The following CCSER1 variants were observed in gnomAD, a reference collection of about 807,000 sequenced individuals.
CCSER1 encodes coiled-coil serine rich protein 1, also known as serine-rich coiled-coil domain-containing protein 1.
CCSER1 carries 41 observed loss-of-function variants against 82.0 expected under a neutral mutation model. That is an observed-to-expected ratio of 0.50 (90% confidence interval 0.39 to 0.65). The LOEUF (loss-of-function observed/expected upper bound fraction) is 0.65. Ranked by LOEUF, CCSER1 falls within the 30% of genes least tolerant of loss-of-function variation. CCSER1 has a pLI of 0.00. For missense variants in CCSER1, 1,119 were observed against 1,064.2 expected (o/e 1.05, Z -0.72); for synonymous variants, 414 against 383.9 (o/e 1.08, Z -0.92).
intron 1 of CCSER1, among the ~76,000 whole-genome samples, chr4:90,253,111 C>CT (rs1722686054): frequency 6.6e-6 from 1 of 152,080 alleles, no homozygotes; most frequent in African/African-American, 2.4e-5. Flanking sequence ...TCCACTACAG[C>CT]TTTTTTCCCA....
rs149273162 is a variant in CCSER1, at chr4:90,938,191, A to G, written c.2172+14744A>G. Among the ~76,000 whole-genome samples the G allele has an allele frequency of 3.9e-5, 6 of 152,208 alleles. No individual in the cohort carries two copies. In the East Asian group the frequency reaches 1.2e-3, roughly 29 times the overall value. ...ACTAAAATATAATAATAAGATAATAATTGTTGCAGATTAGCAAAATTCTGT... is the reference window on the plus strand; with the variant it reads ...ACTAAAATATAATAATAAGATAATAGTTGTTGCAGATTAGCAAAATTCTGT... On this transcript the variant is annotated intron_variant, in intron 9 of 10. Transcript: ENST00000509176.
intron 10 of CCSER1, among the ~76,000 whole-genome samples, chr4:91,592,988 A>G (rs906170774): frequency 3.9e-5 from 6 of 152,192 alleles, no homozygotes; most frequent in Admixed American, 3.9e-4. Context: ...AACAAGGAAA[A>G]GAACTTCAGA....
At chr4:90,252,281 A>G (rs1722534958) in intron 1 of CCSER1, among the ~76,000 whole-genome samples, 1 of 151,944 alleles carries the variant, frequency 6.6e-6, no homozygotes, top group South Asian at 2.1e-4. Context: ...TTGTATTTTC[A>G]GATTTGAGAT....
chr4:90,480,911 G>T (rs1765844106), intron 5 of CCSER1, among the ~76,000 whole-genome samples: 1 of 151,744 alleles, frequency 6.6e-6, no homozygotes, highest in African/African-American at 2.4e-5. Context: ...CCAATTCTGT[G>T]AAGAAAGTCA....
At chr4:90,606,805 A>G (rs1784778953) in intron 5 of CCSER1, among the ~76,000 whole-genome samples, 2 of 152,198 alleles carry the variant, frequency 1.3e-5, no homozygotes, top group Admixed American at 1.3e-4. Context: ...GGGCATCCCA[A>G]ACTATGAGGG....
intron 1 of CCSER1, among the ~76,000 whole-genome samples, chr4:90,230,408 G>A (rs1257819000): frequency 1.3e-5 from 2 of 151,796 alleles, no homozygotes; most frequent in Non-Finnish European, 2.9e-5. Flanking sequence ...AAATAAAGAT[G>A]TTCTTTGAAA....
At chr4:90,937,225 G>A (rs1035636903) in intron 9 of CCSER1, among the ~76,000 whole-genome samples, 4 of 152,168 alleles carry the variant, frequency 2.6e-5, no homozygotes, top group African/African-American at 9.7e-5. Context: ...AGATGGTTCT[G>A]CCAATGTTGC....
chr4:91,415,125 A>G (rs1753277392), intron 10 of CCSER1, among the ~76,000 whole-genome samples: 1 of 152,130 alleles, frequency 6.6e-6, no homozygotes, highest in Non-Finnish European at 1.5e-5. Context: ...CAGCATCAGA[A>G]TACACATTCA....
intron 1 of CCSER1, among the ~76,000 whole-genome samples, chr4:90,232,346 A>C (rs1401449693): frequency 6.6e-6 from 1 of 151,824 alleles, no homozygotes; most frequent in Non-Finnish European, 1.5e-5. Flanking sequence ...GATCTTTGAC[A>C]AACCTGACAA....
At chr4:91,168,099 GC>G (rs1352791250) in intron 10 of CCSER1, among the ~76,000 whole-genome samples, 1 of 143,426 alleles carries the variant, frequency 7.0e-6, no homozygotes, top group South Asian at 2.3e-4. Context: ...CCTCTGCCCA[GC>G]CCCCCCGTCT....
In CCSER1 at chr4:90,898,855, G is replaced by T. The variant is rs1724166231; in HGVS notation, c.2095-24515G>T. ...ACTGTCTTGGTTATTAGAGCCTTTT[G>T]TATGGTTTGAAGTTGGATAATGTAC... is the stretch of plus-strand genomic sequence containing the variant. On this transcript the variant is annotated intron_variant, in intron 8 of 10. Transcript: ENST00000509176. 2.6e-5 allele frequency among the ~76,000 whole-genome samples: 4 copies of T among 151,350 alleles called. No homozygotes were observed. In the South Asian group the frequency reaches 6.3e-4, roughly 24 times the overall value.
At chr4:90,759,053 C>T (rs1272259724) in intron 7 of CCSER1, among the ~76,000 whole-genome samples, 1 of 152,168 alleles carries the variant, frequency 6.6e-6, no homozygotes, top group Non-Finnish European at 1.5e-5. Context: ...TCTTGCACCT[C>T]CTTCTAAGCC....
At chr4:91,429,163 A>G (rs989010671) in intron 10 of CCSER1, among the ~76,000 whole-genome samples, 22 of 152,074 alleles carry the variant, frequency 1.4e-4, no homozygotes, top group African/African-American at 5.1e-4. Flanking sequence ...ATCACAGAAT[A>G]AAATGTCAAT....
At chr4:90,407,379 A>G (rs543529107) in intron 4 of CCSER1, among the ~76,000 whole-genome samples, 2 of 152,310 alleles carry the variant, frequency 1.3e-5, no homozygotes, top group African/African-American at 4.8e-5. Context: ...GTCAACAAAA[A>G]AAGTTTAGGA....
intron 7 of CCSER1, chr4:90,780,807 A>G (rs1169827215): frequency 4.6e-6 from 5 of 1,094,344 alleles, no homozygotes; most frequent in Non-Finnish European, 5.6e-6. Flanking sequence ...TATATGCGTG[A>G]TCTTTTAGAG....
intron 1 of CCSER1, among the ~76,000 whole-genome samples, chr4:90,267,291 T>G (rs1398996131): frequency 6.6e-6 from 1 of 151,806 alleles, no homozygotes; most frequent in African/African-American, 2.4e-5. Flanking sequence ...GGGAAAGACT[T>G]TGTCATGTGG....
At position 90,549,431 on chromosome 4, in the gene CCSER1, C is replaced by T. The variant is rs571024497; in HGVS notation, c.1725-78594C>T. 3.3e-5 allele frequency among the ~76,000 whole-genome samples: 5 copies of T among 151,738 alleles called. No homozygotes were observed. In the South Asian group the frequency reaches 1.0e-3, roughly 31 times the overall value. ...AAAAGTTTTTCCCAGAAGGGGATTG[C>T]TTTAAGCTTAGGGTAGTCATGAAAA... On this transcript the variant is annotated intron_variant, in intron 5 of 10. Transcript: ENST00000509176.
chr4:91,347,171 T>C (rs780906391), intron 10 of CCSER1, among the ~76,000 whole-genome samples: 1 of 152,184 alleles, frequency 6.6e-6, no homozygotes, highest in Non-Finnish European at 1.5e-5. Context: ...TTGTGAAAGG[T>C]ATAACGTCTG....
At chr4:91,154,852 A>G (rs1730646760) in intron 10 of CCSER1, among the ~76,000 whole-genome samples, 1 of 151,980 alleles carries the variant, frequency 6.6e-6, no homozygotes, top group Admixed American at 6.6e-5. Context: ...AATCTTTTGA[A>G]CTGCTACATG....
Sources: gnomAD v4.1 joint callset for allele counts (sites outside exome capture counted in the v4.1 genomes callset) on GRCh38, gnomAD v4.1.1 for gene constraint, MANE v1.5 for transcripts, NCBI Gene and HGNC (gene_info 2026-07-23, HGNC 2026-07-21) for gene names.